Variants in CHID1 observed in about 807,000 individuals in gnomAD.
CHID1 encodes the protein chitinase domain-containing protein 1.
CHID1 carries 44 observed loss-of-function variants against 55.4 expected under a neutral mutation model. That is an observed-to-expected ratio of 0.79 (90% CI 0.62 to 1.02). The LOEUF is 1.02. Ranked by LOEUF, CHID1 falls within the 50% of genes least tolerant of loss-of-function variation. The probability of loss-of-function intolerance (pLI) is 0.00; values close to 1 mark genes in which losing one functional copy is unlikely to be tolerated. For missense variants in CHID1, 491 were observed against 515.3 expected (o/e 0.95, Z 0.46); for synonymous variants, 216 against 212.9 (o/e 1.01, Z -0.13).
chr11:886,086 G>A (rs1354861206), intron 8 of CHID1, among the ~76,000 whole-genome samples: 1 of 146,242 alleles, frequency 6.8e-6, no homozygotes, highest in Non-Finnish European at 1.5e-5. Context: ...GGGAAGTGAA[G>A]CTTACAGTGA....
intron 8 of CHID1, among the ~76,000 whole-genome samples, chr11:888,556 C>T (rs545032240): frequency 3.3e-5 from 5 of 152,330 alleles, no homozygotes; most frequent in Middle Eastern, 3.4e-3. Context: ...ACGGATTAGA[C>T]GCAGCGTGAC....
At chr11:895,583 G>GT (rs1851212446) in intron 7 of CHID1, among the ~76,000 whole-genome samples, 1 of 152,200 alleles carries the variant, frequency 6.6e-6, no homozygotes, top group African/African-American at 2.4e-5. Flanking sequence ...GCGGACAACT[G>GT]TAAGGGGCTG....
intron 8 of CHID1, among the ~76,000 whole-genome samples, chr11:892,315 G>A (rs1337955479): frequency 6.6e-6 from 1 of 152,208 alleles, no homozygotes; most frequent in East Asian, 1.9e-4. Context: ...GCACATAAGG[G>A]AGAGGGAGGG....
intron 1 of CHID1, among the ~76,000 whole-genome samples, chr11:908,958 G>A (rs1852435441): frequency 6.6e-6 from 1 of 152,230 alleles, no homozygotes; most frequent in African/African-American, 2.4e-5. Flanking sequence ...GAACCTAACT[G>A]AACACAAGGC....
At chr11:884,868 C>A (rs573605352) in intron 8 of CHID1, among the ~76,000 whole-genome samples, 1 of 152,350 alleles carries the variant, frequency 6.6e-6, no homozygotes, top group East Asian at 1.9e-4. Flanking sequence ...GGCCGCCCTT[C>A]CCTCGGGGAC....
intron 2 of CHID1, chr11:903,626 CA>C: frequency 9.3e-6 from 2 of 215,672 alleles, no homozygotes; most frequent in South Asian, 5.3e-5. Flanking sequence ...ACTAAATATG[CA>C]AAAATTAGCC....
At chr11:880,034 A>T (rs2134152706) in intron 10 of CHID1, among the ~76,000 whole-genome samples, 1 of 152,334 alleles carries the variant, frequency 6.6e-6, no homozygotes, top group Non-Finnish European at 1.5e-5. Flanking sequence ...AACTGAAAGA[A>T]CAGACAGTTG....
intron 8 of CHID1, among the ~76,000 whole-genome samples, chr11:890,020 C>A (rs1327594867): frequency 6.6e-6 from 1 of 152,060 alleles, no homozygotes; most frequent in Non-Finnish European, 1.5e-5. Flanking sequence ...AGCCTGCAGG[C>A]CTAGCCCGCT....
chr11:882,840 A>G, intron 10 of CHID1: 1 of 304,158 alleles, frequency 3.3e-6, no homozygotes, highest in South Asian at 7.4e-5. Flanking sequence ...TCAACCCAGG[A>G]GGCCCCGGCC....
At chr11:899,130 G>A (rs1010281743) in intron 7 of CHID1, among the ~76,000 whole-genome samples, 2 of 152,224 alleles carry the variant, frequency 1.3e-5, no homozygotes, top group South Asian at 2.1e-4. Flanking sequence ...GCCACAGGCT[G>A]CTTCCACTTT....
Position 869,870 on chromosome 11 carries a change from G to T in CHID1, c.1170C>A (p.Tyr390Ter). 1 of 1,613,010 alleles carries T rather than the reference G, an allele frequency of 6.2e-7. No homozygotes were observed. The highest frequency in any genetic ancestry group is 8.5e-7 in the Non-Finnish European group (1 of 1,179,862). ...WELGQGLDYF[Y>*]DLL The stretch of plus-strand genomic sequence containing the variant: ...CCGCAATGCCCACCTAGAGCAGGTC[G>T]TAGAAGTAGTCCAGGCCCTGGCCCA... The change falls in exon 13 of 13, where the codon TAC (tyrosine) becomes TAA (stop). Residue 390 changes from tyrosine to a stop codon, truncating the protein, a stop_gained. Transcript: ENST00000323578. LOFTEE classifies it high-confidence loss of function.
At chr11:914,894 A>G, upstream of CHID1, 1 of 303,672 alleles carries the variant, frequency 3.3e-6, no homozygotes, top group Non-Finnish European at 6.4e-6. Context: ...CCTTCCCAAC[A>G]GTGGCAGCCT....
chr11:871,997 C>T (rs1383691924), intron 10 of CHID1, among the ~76,000 whole-genome samples: 1 of 152,250 alleles, frequency 6.6e-6, no homozygotes, highest in East Asian at 1.9e-4. Context: ...CAGCTGCCAC[C>T]CCCCCAGCAG....
At position 902,172 on chromosome 11, in the gene CHID1, C is replaced by T. The variant is rs765411508; in HGVS notation, c.394+26G>A. 3.7e-6 allele frequency: 6 copies of T among 1,612,390 alleles called. No individual in the cohort carries two copies. In the African/African-American group the frequency reaches 6.7e-5, roughly 18 times the overall value. ...CACTCTTTTCAGCCTGTGGGGCAAG[C>T]ACAGTCAAGCAGGAAGGATGAGAAC... is the stretch of plus-strand genomic sequence containing the variant. On this transcript the variant is annotated intron_variant, in intron 4 of 12. Transcript: ENST00000323578.
chr11:879,098 G>T (rs564896942), intron 10 of CHID1, among the ~76,000 whole-genome samples: 1 of 152,054 alleles, frequency 6.6e-6, no homozygotes, highest in Non-Finnish European at 1.5e-5. Flanking sequence ...CGCCCACCTC[G>T]GCCTCCCAAA....
chr11:904,932 G>T (rs1852099509), intron 1 of CHID1, 73 bp from the exon 2 acceptor site: 2 of 1,515,888 alleles, frequency 1.3e-6, no homozygotes, highest in South Asian at 2.3e-5. Context: ...TCTGCTGATG[G>T]GGCCACTTTC....
intron 1 of CHID1, among the ~76,000 whole-genome samples, chr11:907,537 C>T (rs986092298): frequency 5.3e-5 from 8 of 152,014 alleles, no homozygotes; most frequent in African/African-American, 1.2e-4. Context: ...GGGGCAGCGG[C>T]GGTGGGAGCT....
At position 900,078 on chromosome 11, in the gene CHID1, C is replaced by T. The variant is rs201164951; in HGVS notation, c.472G>A (p.Asp158Asn). The T allele has an allele frequency of 1.5e-3, 2,478 of 1,614,020 alleles. 1 individual carries two copies. The highest frequency in any genetic ancestry group is 2.0e-3 in the Non-Finnish European group (2,352 of 1,179,984). ...CTGTCTAAGACGTTCCGGAAATCAT[C>T]GTAAGTCCAGTCCTCAAACAGGAGC... is the stretch of plus-strand genomic sequence containing the variant. ...PRLLFEDWTY[D>N]DFRNVLDSED... Residue 158 changes from aspartate to asparagine, a missense_variant, in exon 6 of 13, where the codon GAT becomes AAT. Physicochemically the swap from Asp to Asn is conservative, Grantham distance 23. Coordinates refer to ENST00000323578, the MANE Select transcript of CHID1 (RefSeq NM_023947.4).
At chr11:881,181 C>G (rs554969896) in intron 10 of CHID1, among the ~76,000 whole-genome samples, 1 of 152,170 alleles carries the variant, frequency 6.6e-6, no homozygotes, top group Non-Finnish European at 1.5e-5. Flanking sequence ...TGGTGGCTCA[C>G]GCGTGTCATC....
Sources: gnomAD v4.1 joint callset for allele counts (sites outside exome capture counted in the v4.1 genomes callset) on GRCh38, gnomAD v4.1.1 for gene constraint, MANE v1.5 for transcripts, NCBI Gene and HGNC (gene_info 2026-07-23, HGNC 2026-07-21) for gene names.